Variants in NBPF11 observed in about 807,000 individuals in gnomAD.
NBPF11 encodes the protein NBPF member 11, also known as NBPF family member NBPF11.
NBPF11 carries 72 observed loss-of-function variants against 93.9 expected under a neutral mutation model. The ratio of observed to expected loss-of-function variants is 0.77; its 90% CI spans 0.63 to 0.93. The LOEUF is 0.93. NBPF11 is among the 40% of genes least tolerant of loss of function. NBPF11 has a pLI of 0.00. For missense variants in NBPF11, 705 were observed against 802.2 expected (o/e 0.88, Z 1.46); for synonymous variants, 224 against 304.9 (o/e 0.73, Z 2.76).
chr1:148,125,383 G>C (rs1417838633), intron 5 of NBPF11, among the ~76,000 whole-genome samples: 1 of 151,938 alleles, frequency 6.6e-6, no homozygotes, highest in Non-Finnish European at 1.5e-5. Flanking sequence ...AGTCAGGAAG[G>C]CCCCTAGGAC....
intron 1 of NBPF11, among the ~76,000 whole-genome samples, chr1:148,145,940 C>T (rs1195731271): frequency 1.3e-5 from 2 of 151,962 alleles, no homozygotes; most frequent in Non-Finnish European, 2.9e-5. Flanking sequence ...AGAGTGAAAA[C>T]ACAAGCTGCA....
In NBPF11 at chr1:148,136,092, C is replaced by T. The variant is rs1237606955; in HGVS notation, c.-177-279G>A. On this transcript the variant is annotated intron_variant, in intron 3 of 23. Transcript: ENST00000682118. ...TATAGAGAGGCCTCTTTGGAAGTAG[C>T]GAAAGCTTTCTCACCTTCATACATT... 9.9e-5 allele frequency among the ~76,000 whole-genome samples: 15 copies of T among 151,980 alleles called. 1 individual carries two copies. Among genetic ancestry groups the T allele is most frequent in the East Asian group, 7.7e-4 (4 of 5,162 alleles).
intron 12 of NBPF11, among the ~76,000 whole-genome samples, chr1:148,117,284 C>T (rs1207658179): frequency 6.7e-6 from 1 of 148,756 alleles, no homozygotes; most frequent in Non-Finnish European, 1.5e-5. Context: ...CTCTAACAAG[C>T]CTGCTCCCAT....
intron 15 of NBPF11, among the ~76,000 whole-genome samples, chr1:148,112,224 T>C (rs1260500914): frequency 2.0e-5 from 3 of 147,682 alleles, no homozygotes; most frequent in Non-Finnish European, 4.5e-5. Flanking sequence ...TACATATGTA[T>C]ACATGTCCAC....
At chr1:148,133,518 TG>T (rs1401386503) in intron 4 of NBPF11, among the ~76,000 whole-genome samples, 10 of 152,258 alleles carry the variant, frequency 6.6e-5, no homozygotes, top group Non-Finnish European at 5.9e-5. Flanking sequence ...GAGCATTTTC[TG>T]GGGTTTGTTT....
rs1663057493 is a variant in NBPF11, at chr1:148,104,523, T to A, written c.2581+14A>T. 1.7e-6 allele frequency: 1 copy of A among 593,548 alleles called. No individual in the cohort carries two copies. The highest frequency in any genetic ancestry group is 3.0e-6 in the Non-Finnish European group (1 of 338,596). The allele number at this position is 593,548 out of a possible 1,614,324, so 36.8% of individuals were successfully genotyped here. ...TTAACACAGAATTAAGCATCCACAA[T>A]TGCTGAAAGTTACCTGGGGCATGGT... On this transcript the variant is annotated intron_variant, in intron 23 of 23. Coordinates refer to ENST00000682118, the MANE Select transcript of NBPF11 (RefSeq NM_001385469.3).
chr1:148,141,163 A>G (rs1168659035), intron 2 of NBPF11, among the ~76,000 whole-genome samples: 2 of 151,952 alleles, frequency 1.3e-5, no homozygotes, highest in African/African-American at 2.4e-5. Flanking sequence ...GAGGCATGAA[A>G]TGGTGAAGCA....
intron 2 of NBPF11, among the ~76,000 whole-genome samples, chr1:148,143,161 G>A (rs1471063189): frequency 6.6e-6 from 1 of 151,952 alleles, no homozygotes; most frequent in East Asian, 1.9e-4. Context: ...TAGCTACCAA[G>A]GAAAAGTCCT....
chr1:148,142,630 C>A (rs2149295023), intron 2 of NBPF11, among the ~76,000 whole-genome samples: 2 of 152,144 alleles, frequency 1.3e-5, no homozygotes, highest in Middle Eastern at 6.8e-3. Context: ...TACAAACAGG[C>A]CATGCCCCTT....
intron 1 of NBPF11, chr1:148,146,320 C>T (rs1307558997): frequency 7.2e-7 from 1 of 1,384,574 alleles, no homozygotes; most frequent in Non-Finnish European, 9.3e-7. Context: ...CACCCCACCC[C>T]TCCCCTGCCG....
rs1408002489 is a variant in NBPF11 at position 148,147,093 on chromosome 1, G to A, written c.-548-3407C>T. Among the ~76,000 whole-genome samples, 59 of 152,264 alleles carry A rather than the reference G, an allele frequency of 3.9e-4. 1 individual carries two copies. In the South Asian group the frequency reaches 8.7e-3, roughly 22 times the overall value. ...AGGCGAGCTTGGGTGTGCAGGTGCC[G>A]CCTCCACATGGCTGAGGTGTGGCCA... On this transcript the variant is annotated intron_variant, in intron 1 of 23. Coordinates refer to ENST00000682118, the MANE Select transcript of NBPF11 (RefSeq NM_001385469.3).
chr1:148,133,016 C>A (rs1375659496), intron 4 of NBPF11, among the ~76,000 whole-genome samples: 1 of 148,766 alleles, frequency 6.7e-6, no homozygotes, highest in Non-Finnish European at 1.5e-5. Context: ...TCCCAAAGTG[C>A]TGAGATTACA....
Position 148,103,776 on chromosome 1 carries a change from C to T in NBPF11, c.*120G>A, listed in dbSNP as rs1662838909. ...AGGGCAAAGCTGATGTGCTGTTCCT[C>T]AAATGAGTAAAACACACTTCTGTAG... On this transcript the variant is annotated 3_prime_UTR_variant, in exon 24 of 24. Transcript: ENST00000682118. 1.2e-6 allele frequency: 2 copies of T among 1,611,886 alleles called. No homozygotes were observed. The highest frequency in any genetic ancestry group is 2.7e-5 in the African/African-American group (2 of 74,876).
chr1:148,109,177 T>G, intron 17 of NBPF11, 107 bp downstream of exon 17: 1 of 896,362 alleles, frequency 1.1e-6, no homozygotes, highest in Non-Finnish European at 1.9e-6. Context: ...TAATTCAGAC[T>G]TGTCTGACAA....
chr1:148,108,177 A>C (rs1553267686), intron 18 of NBPF11, among the ~76,000 whole-genome samples: 1 of 150,496 alleles, frequency 6.6e-6, no homozygotes, highest in Non-Finnish European at 1.5e-5. Flanking sequence ...AATCTACAAG[A>C]TCTACAGAAT....
intron 19 of NBPF11, among the ~76,000 whole-genome samples, chr1:148,107,505 G>A (rs1283634854): frequency 6.6e-6 from 1 of 152,190 alleles, no homozygotes; most frequent in Non-Finnish European, 1.5e-5. Flanking sequence ...TTTGAGGTAT[G>A]GTCAACCTAT....
At chr1:148,131,188 C>A (rs1670278129) in intron 4 of NBPF11, among the ~76,000 whole-genome samples, 4 of 150,226 alleles carry the variant, frequency 2.7e-5, no homozygotes, top group East Asian at 1.9e-4. Flanking sequence ...AAGCCAGTGC[C>A]CTTATACAAA....
At chr1:148,110,972 A>G (rs1243396047) in intron 15 of NBPF11, among the ~76,000 whole-genome samples, 1 of 151,742 alleles carries the variant, frequency 6.6e-6, no homozygotes, top group Non-Finnish European at 1.5e-5. Flanking sequence ...GATATAATAT[A>G]TTTACTTTTT....
At chr1:148,116,955 C>A (rs1295380313) in intron 12 of NBPF11, among the ~76,000 whole-genome samples, 11 of 152,212 alleles carry the variant, frequency 7.2e-5, no homozygotes, top group Non-Finnish European at 4.4e-5. Context: ...AGATTTCAAG[C>A]CTCCAAGTGG....
Sources: gnomAD v4.1 joint callset for allele counts (sites outside exome capture counted in the v4.1 genomes callset) on GRCh38, gnomAD v4.1.1 for gene constraint, MANE v1.5 for transcripts, NCBI Gene and HGNC (gene_info 2026-07-23, HGNC 2026-07-21) for gene names.